HELZ2: variants seen among roughly 807,000 people sequenced by gnomAD.
HELZ2 encodes the protein 3'-5' exoribonuclease HELZ2.
In HELZ2, 143 loss-of-function variants were observed where a neutral mutation model predicts 208.8. That is an observed-to-expected ratio of 0.68 (90% CI 0.60 to 0.79). HELZ2 has a LOEUF of 0.79. Among genes scored for constraint, HELZ2 ranks in the 30% least tolerant of loss-of-function variants. The pLI is 0.00. For missense variants in HELZ2, 3,690 were observed against 3,794.5 expected (o/e 0.97, Z 0.72); for synonymous variants, 1,705 against 1,693.7 (o/e 1.01, Z -0.16).
chr20:63,571,096 C>A, intron 1 of HELZ2: 1 of 496,732 alleles, frequency 2.0e-6, no homozygotes, highest in East Asian at 3.2e-5. Context: ...CAGCAGGTGG[C>A]AGGGAGGCCC....
exon 11 of HELZ2, chr20:63,561,971 C>T (rs201676865): frequency 6.8e-5 from 108 of 1,594,794 alleles, no homozygotes; most frequent in Non-Finnish European, 8.6e-5. Context: ...GGCCCACGAT[C>T]GTCTTCCCTG....
chr20:63,574,073 C>G (rs1404393888), upstream of HELZ2: 1 of 145,382 alleles, frequency 6.9e-6, no homozygotes, highest in Non-Finnish European at 1.5e-5. Context: ...CCTCCCGGAC[C>G]CCCCCCTCCG....
At chr20:63,570,164 T>C (rs1265859483) in intron 3 of HELZ2, 1 of 483,014 alleles carries the variant, frequency 2.1e-6, no homozygotes. Flanking sequence ...TTCACCCTAT[T>C]GGCCAGGCTG....
exon 19 of HELZ2, chr20:63,559,296 C>T (rs755591321): frequency 6.3e-6 from 10 of 1,596,072 alleles, no homozygotes; most frequent in East Asian, 4.5e-5. Context: ...CCGGCAGGCA[C>T]GAGGGTCTGC....
At chr20:63,570,115 ATTTTTTT>A (rs56804055) in intron 3 of HELZ2, 13 of 288,522 alleles carry the variant, frequency 4.5e-5, no homozygotes, top group East Asian at 1.6e-4. Context: ...TGCCTGGCTA[ATTTTTTT>A]TTTTTTTTTT....
downstream of HELZ2, chr20:63,559,179 T>C (rs1445297831): frequency 1.0e-5 from 10 of 982,526 alleles, no homozygotes; most frequent in Middle Eastern, 4.2e-4. Context: ...CGGAGGGTGG[T>C]GGGGAGGGTG....
chr20:63,569,804 C>A (rs1248237320), intron 3 of HELZ2, 139 bp from the exon 5 acceptor site: 2 of 973,146 alleles, frequency 2.1e-6, no homozygotes, highest in Admixed American at 6.0e-5. Flanking sequence ...GCAGGCCACC[C>A]GGCCTCTGCC....
At chr20:63,573,699 C>A (rs561304152), upstream of HELZ2, among the ~76,000 whole-genome samples, 1 of 152,302 alleles carries the variant, frequency 6.6e-6, no homozygotes, top group East Asian at 1.9e-4. The surrounding 1 kb of genome is among the most constrained non-coding windows in gnomAD (Gnocchi z 4.9). Flanking sequence ...TCCACATCTG[C>A]ACCTGGGGAG....
chr20:63,570,648 CCCCA>C, intron 2 of HELZ2, 33 bp downstream of exon 3: 3 of 733,912 alleles, frequency 4.1e-6, no homozygotes, highest in Non-Finnish European at 6.6e-6. Context: ...GAGGCCTGGA[CCCCA>C]CCCCACCCCA....
At chr20:63,561,352 G>A in exon 13 of HELZ2, 1 of 1,612,972 alleles carries the variant, frequency 6.2e-7, no homozygotes, top group South Asian at 1.1e-5. Context: ...CCACTTACCA[G>A]ACCAGGTCCT....
chr20:63,573,216 C>T (rs755598080), upstream of HELZ2: 1 of 152,222 alleles, frequency 6.6e-6, no homozygotes, highest in Non-Finnish European at 1.5e-5. The surrounding 1 kb of genome is among the most constrained non-coding windows in gnomAD (Gnocchi z 4.9). Flanking sequence ...GGCCACGGTT[C>T]GAAGCCTGCG....
At chr20:63,572,321 G>A (rs1360098518) in exon 1 of HELZ2, 2 of 1,586,632 alleles carry the variant, frequency 1.3e-6, no homozygotes, top group African/African-American at 1.3e-5. Flanking sequence ...GCCATCAGGG[G>A]CAGGGGGTGT....
At chr20:63,570,588 C>T (rs2083006961) in exon 3 of HELZ2, 7 of 1,612,532 alleles carry the variant, frequency 4.3e-6, no homozygotes, top group Middle Eastern at 1.6e-4. Context: ...AGGTGACACG[C>T]ACTCCATCAA....
chr20:63,566,259 C>T lies in HELZ2; in HGVS notation c.2591-28G>A, dbSNP rs61465814. 1.6e-3 allele frequency: 2,405 copies of T among 1,493,000 alleles called. 37 individuals are homozygous for T. In the African/African-American group the frequency reaches 0.031, roughly 19 times the overall value. The allele number at this position is 1,493,000 out of a possible 1,614,324, so 92.5% of individuals were successfully genotyped here. On this transcript the variant is annotated intron_variant, in intron 7 of 18. Coordinates refer to ENST00000467148, the Ensembl canonical transcript of HELZ2. Reference sequence around the variant, plus strand: ...GCAGGGGGCACGCAGTCAGGTCAGGCTGGGTGCGCAAGACGGTGGGACCAG... The same window carrying T: ...GCAGGGGGCACGCAGTCAGGTCAGGTTGGGTGCGCAAGACGGTGGGACCAG...
exon 3 of HELZ2, chr20:63,570,515 C>A: frequency 1.2e-6 from 2 of 1,613,096 alleles, no homozygotes; most frequent in Non-Finnish European, 8.5e-7. Context: ...TCAGAGTGGA[C>A]GGCAAACGTC....
At position 63,572,375 on chromosome 20, in the gene HELZ2, C is replaced by T; in HGVS notation, c.11G>A (p.Trp4Ter). The stretch of plus-strand genomic sequence containing the variant: ...GAGGCCACCCAGCTGCTCGGCCTCC[C>T]ACACAGCCATCTCCACGGCGCTGTG... Residue 4 changes from tryptophan (W) to a stop codon, truncating the protein, a stop_gained, in exon 1 of 19, where the codon TGG becomes TAG. Transcript: ENST00000467148. LOFTEE classifies it high-confidence loss of function. The T allele has an allele frequency of 6.5e-7, 1 of 1,540,012 alleles. No individual in the cohort carries two copies. The highest frequency in any genetic ancestry group is 2.3e-5 in the East Asian group (1 of 42,966).
chr20:63,568,187 G>C, intron 5 of HELZ2, 171 bp downstream of exon 6: 1 of 622,894 alleles, frequency 1.6e-6, no homozygotes, highest in Non-Finnish European at 2.8e-6. Flanking sequence ...CAGCAGACCC[G>C]GCCACCCTCG....
intron 5 of HELZ2, chr20:63,568,135 T>G: frequency 1.7e-6 from 1 of 585,266 alleles, no homozygotes; most frequent in Non-Finnish European, 3.0e-6. Flanking sequence ...GACACTCTCC[T>G]TGGGCCAGGG....
chr20:63,568,720 G>A, exon 5 of HELZ2: 1 of 1,606,110 alleles, frequency 6.2e-7, no homozygotes, highest in Non-Finnish European at 8.5e-7. Context: ...GCAGCCCCAG[G>A]GCCAAGCAGC....
Sources: allele counts gnomAD v4.1 joint callset (sites outside exome capture counted in the v4.1 genomes callset), GRCh38; gene constraint gnomAD v4.1.1; non-coding constraint Gnocchi (gnomAD v3.1); transcripts MANE v1.5; gene names NCBI Gene and HGNC (gene_info 2026-07-23, HGNC 2026-07-21).